Variants in CDK14 observed in about 807,000 individuals in gnomAD.
CDK14 encodes the protein cyclin dependent kinase 14.
Under a neutral mutation model 60.7 loss-of-function variants are expected in CDK14, and 34 were observed. That is an observed-to-expected ratio of 0.56 (90% CI 0.43 to 0.75). The LOEUF is 0.75. CDK14 is among the 30% of genes least tolerant of loss of function. The pLI is 0.00. For synonymous variants in CDK14, 197 were observed against 203.7 expected (o/e 0.97, Z 0.28); for missense variants, 482 against 564.1 (o/e 0.85, Z 1.47).
chr7:90,776,472 A>C (rs1175519459), intron 4 of CDK14, among the ~76,000 whole-genome samples: 3 of 152,210 alleles, frequency 2.0e-5, no homozygotes, highest in Admixed American at 2.0e-4. Flanking sequence ...TCAAACATCA[A>C]AGCAGATAAG....
intron 10 of CDK14, among the ~76,000 whole-genome samples, chr7:91,034,645 T>A (rs1796860639): frequency 6.6e-6 from 1 of 152,152 alleles, no homozygotes; most frequent in South Asian, 2.1e-4. Flanking sequence ...TGGCAGCTTT[T>A]CATTTTCTCA....
In CDK14 at chr7:90,915,149, G is replaced by T. The variant is rs567304549; in HGVS notation, c.703-2452G>T. Among the ~76,000 whole-genome samples, 4 of 152,170 alleles carry T rather than the reference G, an allele frequency of 2.6e-5. 1 individual carries two copies. The South Asian group carries it at 8.3e-4, about 32-fold the overall frequency. ...AAGGGAAGAGAGGGCTTTTCTGGCC[G>T]AGTAGAGGCAAGGATAATAGCTCAC... On this transcript the variant is annotated intron_variant, in intron 7 of 14. Transcript: ENST00000380050.
intron 14 of CDK14, among the ~76,000 whole-genome samples, chr7:91,171,162 A>G (rs1306163317): frequency 6.6e-6 from 1 of 152,032 alleles, no homozygotes; most frequent in African/African-American, 2.4e-5. Context: ...ATCCTCGCTA[A>G]CACAGTGAAA....
intron 2 of CDK14, among the ~76,000 whole-genome samples, chr7:90,680,419 T>C (rs980719111): frequency 6.6e-6 from 1 of 152,206 alleles, no homozygotes; most frequent in African/African-American, 2.4e-5. Context: ...TAACACAATT[T>C]GAATAGAAGA....
intron 2 of CDK14, among the ~76,000 whole-genome samples, chr7:90,708,842 A>T (rs578127606): frequency 6.6e-6 from 1 of 152,000 alleles, no homozygotes; most frequent in Non-Finnish European, 1.5e-5. Flanking sequence ...TCTCAGTTGT[A>T]TTGTTGTATC....
chr7:90,963,626 T>C (rs1032350470), intron 9 of CDK14, among the ~76,000 whole-genome samples: 2 of 150,744 alleles, frequency 1.3e-5, no homozygotes, highest in Non-Finnish European at 2.9e-5. Flanking sequence ...GCAGTGGGAA[T>C]ATATGTGCCG....
chr7:90,685,164 T>A (rs1801407016), intron 2 of CDK14, among the ~76,000 whole-genome samples: 1 of 152,108 alleles, frequency 6.6e-6, no homozygotes, highest in Non-Finnish European at 1.5e-5. Context: ...GAGTAGGAAA[T>A]TCATCCTCTC....
At chr7:91,005,715 A>G (rs1795964531) in intron 10 of CDK14, among the ~76,000 whole-genome samples, 1 of 152,212 alleles carries the variant, frequency 6.6e-6, no homozygotes, top group Admixed American at 6.5e-5. Context: ...ATAAAATGGC[A>G]CATTTTGGCA....
At chr7:90,756,498 T>C (rs1352463472) in intron 4 of CDK14, among the ~76,000 whole-genome samples, 1 of 152,240 alleles carries the variant, frequency 6.6e-6, no homozygotes, top group Non-Finnish European at 1.5e-5. Context: ...TTAGCATTTC[T>C]TGAGCAGTTT....
intron 10 of CDK14, among the ~76,000 whole-genome samples, chr7:91,037,732 G>A (rs1796975532): frequency 6.6e-6 from 1 of 152,166 alleles, no homozygotes; most frequent in East Asian, 1.9e-4. Flanking sequence ...ATAAAGGATA[G>A]CTTATTTTCT....
At chr7:90,759,751 T>C (rs189169605) in intron 4 of CDK14, among the ~76,000 whole-genome samples, 109 of 152,342 alleles carry the variant, frequency 7.2e-4, no homozygotes, top group Middle Eastern at 3.4e-3. Context: ...ATAGCTGCTT[T>C]TGATTTTCTC....
chr7:90,658,535 A>G (rs1800798934), intron 2 of CDK14, among the ~76,000 whole-genome samples: 1 of 152,192 alleles, frequency 6.6e-6, no homozygotes, highest in Admixed American at 6.5e-5. Flanking sequence ...GAGGAGCATA[A>G]ATGTTCAGAT....
At position 90,879,484 on chromosome 7, in the gene CDK14, G is replaced by A. The variant is rs576932980; in HGVS notation, c.639+16215G>A. ...TGGCCTACTAGAAGCAGCGGTGATT[G>A]GAGGCTCCCATCAGAAAAACCATAA... On this transcript the variant is annotated intron_variant, in intron 6 of 14. Transcript: ENST00000380050. Among the ~76,000 whole-genome samples the A allele has an allele frequency of 2.0e-5, 3 of 152,254 alleles. No homozygotes were observed. The East Asian group carries it at 5.8e-4, about 30-fold the overall frequency.
At chr7:91,040,455 A>G (rs558657474) in intron 10 of CDK14, among the ~76,000 whole-genome samples, 2 of 152,332 alleles carry the variant, frequency 1.3e-5, no homozygotes, top group Non-Finnish European at 2.9e-5. Flanking sequence ...TACAGCTGTG[A>G]AGCAATCATT....
intron 2 of CDK14, among the ~76,000 whole-genome samples, chr7:90,667,497 A>G (rs1801007072): frequency 6.6e-6 from 1 of 150,572 alleles, no homozygotes; most frequent in Non-Finnish European, 1.5e-5. Context: ...TCTGGACACT[A>G]TGTGGTTTTT....
chr7:90,846,136 A>C (rs1285571326), intron 5 of CDK14, among the ~76,000 whole-genome samples: 4 of 152,040 alleles, frequency 2.6e-5, no homozygotes, highest in Non-Finnish European at 5.9e-5. Context: ...ATATTTTCCC[A>C]TCTGTGACTC....
chr7:91,101,933 G>A (rs1018537332), intron 12 of CDK14, among the ~76,000 whole-genome samples: 1 of 152,180 alleles, frequency 6.6e-6, no homozygotes, highest in Admixed American at 6.5e-5. Context: ...TTTGATAAGA[G>A]GGGGTTACAT....
chr7:91,146,140 A>G (rs1384572055), intron 14 of CDK14, among the ~76,000 whole-genome samples: 2 of 152,178 alleles, frequency 1.3e-5, no homozygotes, highest in African/African-American at 4.8e-5. Flanking sequence ...CAAGGAGAAC[A>G]TATACTTTGA....
chr7:90,970,936 TA>T (rs1794904813), intron 9 of CDK14, among the ~76,000 whole-genome samples: 1 of 152,174 alleles, frequency 6.6e-6, no homozygotes, highest in Admixed American at 6.5e-5. Context: ...CCTCATTTTT[TA>T]TTATTATTAT....
Sources: allele counts gnomAD v4.1 joint callset (sites outside exome capture counted in the v4.1 genomes callset), GRCh38; gene constraint gnomAD v4.1.1; transcripts MANE v1.5; gene names NCBI Gene and HGNC (gene_info 2026-07-23, HGNC 2026-07-21).